The following PLD5 variants were observed in gnomAD, a reference collection of about 807,000 sequenced individuals.
PLD5 encodes the protein phospholipase D family member 5, also known as inactive phospholipase D5.
In PLD5, 36 loss-of-function variants were observed where a neutral mutation model predicts 61.1. The ratio of observed to expected loss-of-function variants is 0.59; its 90% CI spans 0.45 to 0.78. The LOEUF (loss-of-function observed/expected upper bound fraction) is 0.78. Ranked by LOEUF, PLD5 falls within the 30% of genes least tolerant of loss-of-function variation. The pLI, the probability that PLD5 is intolerant of heterozygous loss-of-function variation, is 0.00. For missense variants in PLD5, 515 were observed against 644.4 expected, an observed-to-expected ratio of 0.80 and a Z score of 2.17; for synonymous variants, 243 against 242.8, an observed-to-expected ratio of 1.00 and a Z score of -0.01.
At chr1:242,261,971 T>G (rs1466460999) in intron 4 of PLD5, among the ~76,000 whole-genome samples, 1 of 152,210 alleles carries the variant, frequency 6.6e-6, no homozygotes, top group Non-Finnish European at 1.5e-5. Context: ...ATCCCAATCC[T>G]AAGTTCATAC....
chr1:242,143,019 C>T (rs1469782007), intron 5 of PLD5, among the ~76,000 whole-genome samples: 4 of 143,248 alleles, frequency 2.8e-5, no homozygotes, highest in East Asian at 2.1e-4. Flanking sequence ...TGCCTGGCCT[C>T]TTTTTTTTTT....
chr1:242,499,933 G>A (rs1341250181), intron 1 of PLD5, among the ~76,000 whole-genome samples: 1 of 152,182 alleles, frequency 6.6e-6, no homozygotes, highest in African/African-American at 2.4e-5. Flanking sequence ...ACCTTGGCTG[G>A]AATGACCAAA....
intron 1 of PLD5, among the ~76,000 whole-genome samples, chr1:242,458,979 G>C (rs779591971): frequency 4.6e-5 from 7 of 152,166 alleles, no homozygotes; most frequent in Non-Finnish European, 1.0e-4. Context: ...GCTACTGCTG[G>C]AGTTGCATTA....
intron 1 of PLD5, among the ~76,000 whole-genome samples, chr1:242,488,459 G>A (rs909906754): frequency 6.6e-6 from 1 of 152,132 alleles, no homozygotes; most frequent in Non-Finnish European, 1.5e-5. Context: ...AATGCATATT[G>A]CTAAGTGAAA....
intron 7 of PLD5, among the ~76,000 whole-genome samples, chr1:242,109,437 C>T (rs1480035960): frequency 6.6e-6 from 1 of 152,068 alleles, no homozygotes; most frequent in Admixed American, 6.5e-5. Flanking sequence ...AAGATTGTGC[C>T]ACTGCACTCC....
At chr1:242,194,488 C>A (rs1668474639) in intron 5 of PLD5, among the ~76,000 whole-genome samples, 1 of 152,126 alleles carries the variant, frequency 6.6e-6, no homozygotes, top group Admixed American at 6.5e-5. Context: ...ACAGCAGCAC[C>A]ATTCACAATT....
At chr1:242,237,107 A>G (rs1671686681) in intron 4 of PLD5, among the ~76,000 whole-genome samples, 1 of 152,152 alleles carries the variant, frequency 6.6e-6, no homozygotes, top group Non-Finnish European at 1.5e-5. Context: ...AGCTCAGGGG[A>G]ATTCTCTTAA....
rs187673613 is a variant in PLD5, at chr1:242,344,479, C to T, written c.326+3627G>A. 2.9e-3 allele frequency among the ~76,000 whole-genome samples: 434 copies of T among 152,128 alleles called. 1 individual carries two copies. The highest frequency in any genetic ancestry group is 0.01 in the Middle Eastern group (3 of 294). On this transcript the variant is annotated intron_variant, in intron 2 of 9. Coordinates refer to ENST00000536534, the MANE Select transcript of PLD5 (RefSeq NM_001372062.1). ...CCAAAGACTAAAATCATGATAGATT[C>T]GAGATAAGTGAAGACGTGGGAGGAA...
chr1:242,297,665 C>T (rs1343884742), intron 2 of PLD5, among the ~76,000 whole-genome samples: 6 of 135,184 alleles, frequency 4.4e-5, no homozygotes, highest in East Asian at 4.4e-4. Context: ...TGGAGTCTCG[C>T]TCTGTCGCCC....
intron 4 of PLD5, among the ~76,000 whole-genome samples, chr1:242,246,743 G>C (rs1672388603): frequency 6.6e-6 from 1 of 152,104 alleles, no homozygotes; most frequent in Admixed American, 6.5e-5. Flanking sequence ...ATTTTACAGA[G>C]GTTTATTCTG....
chr1:242,449,963 T>C (rs1202394423), intron 1 of PLD5, among the ~76,000 whole-genome samples: 1 of 152,174 alleles, frequency 6.6e-6, no homozygotes, highest in Non-Finnish European at 1.5e-5. Context: ...TCTGAACAGG[T>C]GGAAAGAAAA....
At chr1:242,471,521 G>T (rs1265518287) in intron 1 of PLD5, among the ~76,000 whole-genome samples, 3 of 151,996 alleles carry the variant, frequency 2.0e-5, no homozygotes, top group Non-Finnish European at 2.9e-5. Flanking sequence ...TCAAGGTTTA[G>T]TTGTTCTTCT....
chr1:242,270,675 G>T (rs1475973226), intron 3 of PLD5, among the ~76,000 whole-genome samples: 1 of 152,162 alleles, frequency 6.6e-6, no homozygotes, highest in Non-Finnish European at 1.5e-5. Context: ...CCAGAGGCCT[G>T]CAGAATAATT....
chr1:242,404,910 C>T (rs1369791048), intron 1 of PLD5, among the ~76,000 whole-genome samples: 1 of 61,524 alleles, frequency 1.6e-5, no homozygotes, highest in South Asian at 5.1e-4. Context: ...GATGTAGTCT[C>T]ACTCTGTCAA....
At chr1:242,230,770 A>G (rs1671248785) in intron 4 of PLD5, among the ~76,000 whole-genome samples, 1 of 152,210 alleles carries the variant, frequency 6.6e-6, no homozygotes, top group African/African-American at 2.4e-5. Context: ...ATATCTATTC[A>G]AATACTGTGA....
chr1:242,403,381 G>T (rs1016737542), intron 1 of PLD5, among the ~76,000 whole-genome samples: 5 of 152,078 alleles, frequency 3.3e-5, no homozygotes, highest in Non-Finnish European at 7.3e-5. Flanking sequence ...AGAATTGGGG[G>T]GTCATCAATA....
chr1:242,199,885 T>C (rs976698051), intron 5 of PLD5, among the ~76,000 whole-genome samples: 1 of 152,188 alleles, frequency 6.6e-6, no homozygotes, highest in Non-Finnish European at 1.5e-5. Flanking sequence ...TTTCATCACG[T>C]ATAAATACAC....
chr1:242,287,142 A>G (rs1337473702), intron 3 of PLD5, among the ~76,000 whole-genome samples: 7 of 152,132 alleles, frequency 4.6e-5, no homozygotes, highest in Non-Finnish European at 8.8e-5. Context: ...GATTTACTGA[A>G]TCATGACAGA....
At chr1:242,288,616 T>C (rs1320591126) in intron 2 of PLD5, 86 bp from the exon 3 acceptor site, 2 of 1,460,054 alleles carry the variant, frequency 1.4e-6, no homozygotes, top group Admixed American at 3.0e-5. Context: ...AGCAGACATC[T>C]AAAAAATATT....
Sources: allele counts gnomAD v4.1 joint callset (sites outside exome capture counted in the v4.1 genomes callset), GRCh38; gene constraint gnomAD v4.1.1; transcripts MANE v1.5; gene names NCBI Gene and HGNC (gene_info 2026-07-23, HGNC 2026-07-21).